CEP43: variants seen among roughly 807,000 people sequenced by gnomAD.
CEP43 encodes FGFR1 oncogene partner.
A neutral mutation model predicts 52.6 loss-of-function variants in CEP43; 36 were observed. The observed-to-expected ratio is 0.68, with a 90% CI of 0.52 to 0.90. The LOEUF is 0.90. CEP43 is among the 40% of genes least tolerant of loss of function. The pLI is 0.00. For missense variants in CEP43, 506 were observed against 472.8 expected (o/e 1.07, Z -0.65); for synonymous variants, 192 against 172.4 (o/e 1.11, Z -0.89).
chr6:167,039,652 A>G (rs1177374911), intron 12 of CEP43, among the ~76,000 whole-genome samples: 1 of 152,170 alleles, frequency 6.6e-6, no homozygotes, highest in Non-Finnish European at 1.5e-5. Context: ...CAGTAGTTCT[A>G]CTTTTAGTTC....
chr6:166,999,761 G>T, intron 1 of CEP43: 2 of 514,390 alleles, frequency 3.9e-6, no homozygotes, highest in Non-Finnish European at 6.8e-6. Flanking sequence ...CTCATTCCGT[G>T]GGGGCGGGAC....
Position 167,043,090 on chromosome 6 carries a change from G to A in CEP43, c.*3112G>A, listed in dbSNP as rs572570730. On this transcript the variant is annotated 3_prime_UTR_variant, in exon 13 of 13. Transcript: ENST00000366847. ...TCTGCAGGAAGGGGATCTGGTTCAGGAGAAGGCCGTCCTGTGAATTTGCCC... is the reference window on the plus strand; with the variant it reads ...TCTGCAGGAAGGGGATCTGGTTCAGAAGAAGGCCGTCCTGTGAATTTGCCC... 3.4e-4 allele frequency: 52 copies of A among 152,900 alleles called. No individual in the cohort carries two copies. Among genetic ancestry groups the A allele is most frequent in the African/African-American group, 1.1e-3 (47 of 41,554 alleles). The allele number at this position is 152,900 out of a possible 1,614,324, so 9.5% of individuals were successfully genotyped here.
chr6:167,026,793 A>G (rs181192257), intron 10 of CEP43, among the ~76,000 whole-genome samples, 178 bp downstream of exon 10: 20 of 152,360 alleles, frequency 1.3e-4, no homozygotes, highest in African/African-American at 4.6e-4. Flanking sequence ...AGATGGCTAC[A>G]GCAACAGCCA....
At chr6:167,012,687 T>TA (rs1437777004) in intron 6 of CEP43, among the ~76,000 whole-genome samples, 1 of 152,220 alleles carries the variant, frequency 6.6e-6, no homozygotes, top group African/African-American at 2.4e-5. Flanking sequence ...TACGTACTCT[T>TA]ATTCTCCCTA....
At chr6:167,016,999 T>A (rs993876172) in intron 7 of CEP43, among the ~76,000 whole-genome samples, 16 of 150,472 alleles carry the variant, frequency 1.1e-4, no homozygotes, top group South Asian at 2.1e-4. Flanking sequence ...TATTTTTTTT[T>A]TTTTTTATTT....
In CEP43 at chr6:166,999,454, G is replaced by T; in HGVS notation, c.42G>T (p.Thr14=). 1 of 1,483,398 alleles carries T rather than the reference G, an allele frequency of 6.7e-7. No homozygotes were observed. Among genetic ancestry groups the T allele is most frequent in the Non-Finnish European group, 9.0e-7 (1 of 1,114,662 alleles). 91.9% of individuals were successfully genotyped at this position (1,483,398 alleles called of 1,614,324 possible). Reference sequence around the variant, plus strand: ...CCGCAGTGGTGGCCGAGGAGGACACGGAGCTGCGGGACCTGCTGGTGCAGA... The same window carrying T: ...CCGCAGTGGTGGCCGAGGAGGACACTGAGCTGCGGGACCTGCTGGTGCAGA... ...TAAAVVAEED[T]ELRDLLVQTL... is the part of the protein sequence containing the mutation. Residue 14 remains threonine (T), a synonymous_variant, in exon 1 of 13, where the codon ACG becomes ACT. Coordinates refer to ENST00000366847, the MANE Select transcript of CEP43 (RefSeq NM_007045.4).
chr6:167,051,802 A>G lies in CEP43; in HGVS notation c.*11824A>G, dbSNP rs1390680088. On this transcript the variant is annotated 3_prime_UTR_variant, in exon 13 of 13. Transcript: ENST00000366847. ...TCTTGCTCTTACTGTGGCAATTTGTATGATACCTTTTTCTTTTAGCCTATT... is the reference window on the plus strand; with the variant it reads ...TCTTGCTCTTACTGTGGCAATTTGTGTGATACCTTTTTCTTTTAGCCTATT... 2 of 152,168 alleles carry G rather than the reference A, an allele frequency of 1.3e-5. No homozygotes were observed. The highest frequency in any genetic ancestry group is 2.4e-5 in the African/African-American group (1 of 41,440). The allele number at this position is 152,168 out of a possible 1,614,324, so 9.4% of individuals were successfully genotyped here.
chr6:167,018,450 C>T (rs1780150550), intron 7 of CEP43, among the ~76,000 whole-genome samples: 1 of 151,940 alleles, frequency 6.6e-6, no homozygotes, highest in Non-Finnish European at 1.5e-5. Flanking sequence ...AGTGCAGTGG[C>T]GGCGATTACA....
chr6:167,034,842 G>A (rs746211538), intron 12 of CEP43, among the ~76,000 whole-genome samples: 3 of 152,096 alleles, frequency 2.0e-5, no homozygotes, highest in South Asian at 2.1e-4. Flanking sequence ...TATTTTGAAG[G>A]TTAAATGATA....
rs1392943090 is a variant in CEP43 at position 167,050,152 on chromosome 6, T to C, written c.*10174T>C. On this transcript the variant is annotated 3_prime_UTR_variant, in exon 13 of 13. Transcript: ENST00000366847. ...GAGGGTGGTTTTCCCTACTCTGTTT[T>C]CATGATAGTGAGTCTCACAAGGTCT... 6.6e-6 allele frequency: 1 copy of C among 152,232 alleles called. No homozygotes were observed. The highest frequency in any genetic ancestry group is 1.5e-5 in the Non-Finnish European group (1 of 68,098). The allele number at this position is 152,232 out of a possible 1,614,324, so 9.4% of individuals were successfully genotyped here.
At chr6:167,008,440 C>T (rs973558245) in intron 5 of CEP43, among the ~76,000 whole-genome samples, 1 of 152,038 alleles carries the variant, frequency 6.6e-6, no homozygotes, top group African/African-American at 2.4e-5. Flanking sequence ...CTTCATATCT[C>T]TTACACAGTC....
intron 5 of CEP43, among the ~76,000 whole-genome samples, chr6:167,004,788 T>C (rs542189264): frequency 1.7e-4 from 26 of 152,344 alleles, no homozygotes; most frequent in African/African-American, 6.3e-4. Context: ...CTCAACTTGC[T>C]ATTATTTTTA....
chr6:167,026,475 CA>C (rs1430831301), intron 9 of CEP43, 71 bp from the exon 10 acceptor site: 7 of 971,776 alleles, frequency 7.2e-6, no homozygotes, highest in Non-Finnish European at 1.2e-5. Flanking sequence ...TGAACAACGA[CA>C]AAAATTGATG....
intron 12 of CEP43, among the ~76,000 whole-genome samples, chr6:167,035,407 A>C (rs1483643488): frequency 1.3e-5 from 2 of 152,034 alleles, no homozygotes; most frequent in Non-Finnish European, 2.9e-5. Flanking sequence ...AGTGTCCATT[A>C]AGCACCTACT....
intron 7 of CEP43, among the ~76,000 whole-genome samples, chr6:167,016,161 C>G (rs1780093723): frequency 6.6e-6 from 1 of 151,472 alleles, no homozygotes; most frequent in South Asian, 2.1e-4. Flanking sequence ...TGAGTAAGAT[C>G]TATATTTTTT....
intron 10 of CEP43, among the ~76,000 whole-genome samples, chr6:167,031,094 A>T (rs748926826): frequency 1.3e-5 from 2 of 152,134 alleles, no homozygotes; most frequent in Non-Finnish European, 2.9e-5. Flanking sequence ...AAATAAAATA[A>T]ATTTTTAATT....
At chr6:167,029,639 C>G (rs1780425389) in intron 10 of CEP43, among the ~76,000 whole-genome samples, 1 of 152,144 alleles carries the variant, frequency 6.6e-6, no homozygotes, top group African/African-American at 2.4e-5. Flanking sequence ...AATACATAAC[C>G]AAGAAGTCAG....
At position 167,033,008 on chromosome 6, in the gene CEP43, A is replaced by G. The variant is rs529847678; in HGVS notation, c.1028+366A>G. Among the ~76,000 whole-genome samples the G allele has an allele frequency of 8.6e-5, 13 of 151,746 alleles. No individual in the cohort carries two copies. In the South Asian group the frequency reaches 2.7e-3, roughly 32 times the overall value. ...GCGGGAATTGTCTCAAAATTGACCT[A>G]AAATAATTATGCTCTCAAATTAGTT... On this transcript the variant is annotated intron_variant, in intron 11 of 12. Transcript: ENST00000366847.
chr6:167,030,045 G>C (rs1780434048), intron 10 of CEP43, among the ~76,000 whole-genome samples: 1 of 152,200 alleles, frequency 6.6e-6, no homozygotes. Context: ...ATCAGTTAAG[G>C]CTATTTTCAC....
Sources: gnomAD v4.1 joint callset for allele counts (sites outside exome capture counted in the v4.1 genomes callset) on GRCh38, gnomAD v4.1.1 for gene constraint, MANE v1.5 for transcripts, NCBI Gene and HGNC (gene_info 2026-07-23, HGNC 2026-07-21) for gene names.